The following ZNF180 variants were observed in gnomAD, a reference collection of about 807,000 sequenced individuals.
The protein encoded by ZNF180 is zinc finger protein 180.
ZNF180 carries 11 observed loss-of-function variants against 11.8 expected under a neutral mutation model. That is an observed-to-expected ratio of 0.93 (90% CI 0.59 to 1.55). ZNF180 has a LOEUF of 1.55. Ranked by LOEUF, ZNF180 falls within the 40% of genes most tolerant of loss-of-function variation. The pLI, the probability that ZNF180 is intolerant of heterozygous loss-of-function variation, is 0.00. For synonymous variants in ZNF180, 287 were observed against 257.7 expected (o/e 1.11, Z -1.09); for missense variants, 773 against 781.7 (o/e 0.99, Z 0.13).
intron 1 of ZNF180, among the ~76,000 whole-genome samples, chr19:44,499,204 T>C (rs1970669033): frequency 6.6e-6 from 1 of 152,194 alleles, no homozygotes; most frequent in Non-Finnish European, 1.5e-5. Flanking sequence ...GAGCCTACGA[T>C]ACAGCAGCTC....
chr19:44,476,813 T>C lies in ZNF180; in HGVS notation c.1587A>G (p.Lys529=). ...EKPYECSECG[K]SFNRSSHLVM... ...CAAGGTGAGAACTGCGGTTAAAAGA[T>C]TTTCCACATTCACTACATTCATACG... Residue 529 remains lysine, a synonymous_variant, in exon 5 of 5, where the codon AAA becomes AAG. Transcript: ENST00000592529. The C allele has an allele frequency of 6.2e-7, 1 of 1,614,072 alleles. No homozygotes were observed. Among genetic ancestry groups the C allele is most frequent in the Non-Finnish European group, 8.5e-7 (1 of 1,179,986 alleles).
intron 1 of ZNF180, 88 bp downstream of exon 1, chr19:44,500,187 G>A (rs770710146): frequency 2.5e-5 from 41 of 1,614,004 alleles, no homozygotes; most frequent in Non-Finnish European, 3.1e-5. Context: ...AGGTCTCCCC[G>A]CTACACTCAC....
At position 44,477,586 on chromosome 19, in the gene ZNF180, TTCC is replaced by T. The variant is rs1969951521; in HGVS notation, c.811_813del (p.Gly271del). The T allele has an allele frequency of 6.2e-7, 1 of 1,613,996 alleles. No homozygotes were observed. The highest frequency in any genetic ancestry group is 8.5e-7 in the Non-Finnish European group (1 of 1,180,024). On this transcript the variant is annotated inframe_deletion, in exon 5 of 5. Coordinates refer to ENST00000592529, the MANE Select transcript of ZNF180 (RefSeq NM_001278509.3). ...CCACATTCTTTAAAATCAAAGGTTT[TTCC>T]TCCTCCATGAATTTTTTCATGTATA...
Position 44,477,650 on chromosome 19 carries a change from G to T in ZNF180, c.750C>A (p.Asp250Glu). 2 of 1,613,912 alleles carry T rather than the reference G, an allele frequency of 1.2e-6. No homozygotes were observed. Among genetic ancestry groups the T allele is most frequent in the Non-Finnish European group, 1.7e-6 (2 of 1,179,908 alleles). ...TACCATGGCAAAAAGATTGAATACG[G>T]TCACTAAATCCATAGGATTTATCTT... Reference protein sequence around the residue: ...QTKDKSYGFSDRIQSFCHGTP... With the variant: ...QTKDKSYGFSERIQSFCHGTP... Residue 250 changes from aspartate (D) to glutamate (E), a missense_variant, in exon 5 of 5, where the codon GAC (aspartate) becomes GAA (glutamate). Physicochemically the swap from Asp to Glu is conservative, Grantham distance 45. Transcript: ENST00000592529.
In ZNF180 at chr19:44,495,809, C is replaced by T. The variant is rs749449144; in HGVS notation, c.51+1475G>A. Among the ~76,000 whole-genome samples, 21 of 151,940 alleles carry T rather than the reference C, an allele frequency of 1.4e-4. No homozygotes were observed. The highest frequency in any genetic ancestry group is 3.9e-4 in the Admixed American group (6 of 15,274). On this transcript the variant is annotated intron_variant, in intron 2 of 4. Coordinates refer to ENST00000592529, the MANE Select transcript of ZNF180 (RefSeq NM_001278509.3). The surrounding 1 kb of genome is among the most constrained non-coding windows in gnomAD (Gnocchi z 4.5). Reference sequence around the variant, plus strand: ...GCTGGGATGTCATCCTGTGCAGATGCACTCCTCACCCTGCTTGGTCACTGA... The same window carrying T: ...GCTGGGATGTCATCCTGTGCAGATGTACTCCTCACCCTGCTTGGTCACTGA...
rs1370899310 is a variant in ZNF180, at chr19:44,477,411, T to C, written c.989A>G (p.Gln330Arg). The change falls in exon 5 of 5, where the codon CAG becomes CGG. Residue 330 changes from glutamine (Q) to arginine (R), a missense_variant. Coordinates refer to ENST00000592529, the MANE Select transcript of ZNF180 (RefSeq NM_001278509.3). Reference sequence around the variant, plus strand: ...GCTCCAGCTGAAGGATTTCCCACACTGATTACATTCAAAAGGTTTCTCTTC... The same window carrying C: ...GCTCCAGCTGAAGGATTTCCCACACCGATTACATTCAAAAGGTTTCTCTTC... ...NSEEKPFECN[Q>R]CGKSFSWSSH... 6.2e-7 allele frequency: 1 copy of C among 1,614,108 alleles called. No homozygotes were observed. The highest frequency in any genetic ancestry group is 8.5e-7 in the Non-Finnish European group (1 of 1,180,030).
intron 3 of ZNF180, among the ~76,000 whole-genome samples, chr19:44,482,712 T>C (rs1970114319): frequency 6.6e-6 from 1 of 152,250 alleles, no homozygotes; most frequent in Non-Finnish European, 1.5e-5. Context: ...ATGAAGCACT[T>C]ATGAGTTTGC....
intron 2 of ZNF180, among the ~76,000 whole-genome samples, chr19:44,488,886 G>A (rs1970327609): frequency 6.6e-6 from 1 of 151,164 alleles, no homozygotes; most frequent in Non-Finnish European, 1.5e-5. Flanking sequence ...CGCCCCATCT[G>A]AGAAGTGAGG....
rs779989307 is a variant in ZNF180, at chr19:44,476,849, AGT to A, written c.1549_1550del (p.Thr517TrpfsTer6). 1.9e-6 allele frequency: 3 copies of A among 1,614,128 alleles called. No homozygotes were observed. The highest frequency in any genetic ancestry group is 3.3e-5 in the Admixed American group (2 of 60,030). Reference sequence around the variant, plus strand: ...CACTACATTCATACGGTTTCTCTCCAGTGTGAGTTCTTTGATGTGCAACAAGC... The same window carrying A: ...CACTACATTCATACGGTTTCTCTCCAGTGAGTTCTTTGATGTGCAACAAGC... Reference protein sequence around the residue: ...SQLVAHQRTHTGEKPYECSEC... With the variant: ...SQLVAHQRTHXGEKPYECSEC... On this transcript the variant is annotated frameshift_variant, in exon 5 of 5. Transcript: ENST00000592529. LOFTEE classifies it low-confidence loss of function (END_TRUNC).
intron 2 of ZNF180, among the ~76,000 whole-genome samples, chr19:44,487,759 G>A (rs1415825104): frequency 3.9e-5 from 6 of 152,214 alleles, no homozygotes; most frequent in South Asian, 2.1e-4. Context: ...ACAGAGTCTC[G>A]CGCTGTCCCC....
At position 44,477,660 on chromosome 19, in the gene ZNF180, C is replaced by T. The variant is rs894403886; in HGVS notation, c.740G>A (p.Gly247Glu). 3.7e-6 allele frequency: 6 copies of T among 1,613,756 alleles called. No homozygotes were observed. In the African/African-American group the frequency reaches 5.3e-5, roughly 14 times the overall value. Residue 247 changes from glycine (G) to glutamate (E), a missense_variant, in exon 5 of 5, where the codon GGA becomes GAA. Transcript: ENST00000592529. ...AAAAGATTGAATACGGTCACTAAAT[C>T]CATAGGATTTATCTTTTGTTTGAGT... ...TRTQTKDKSY[G>E]FSDRIQSFCH...
At chr19:44,485,249 A>T (rs1483474365) in intron 2 of ZNF180, 1 of 152,110 alleles carries the variant, frequency 6.6e-6, no homozygotes, top group Non-Finnish European at 1.5e-5. Context: ...CCAAATCAGT[A>T]AAAGGTAGCC....
intron 2 of ZNF180, among the ~76,000 whole-genome samples, chr19:44,493,214 TG>T (rs1368756301): frequency 6.6e-6 from 1 of 152,188 alleles, no homozygotes. Context: ...AGAATGACAG[TG>T]GATGGGTGAG....
chr19:44,488,188 ACGGTCTCCCTCTCCCTCTCTTTCCACG>A (rs1970292261), intron 2 of ZNF180, among the ~76,000 whole-genome samples: 2 of 30,714 alleles, frequency 6.5e-5, no homozygotes, highest in African/African-American at 3.6e-4. Context: ...TTCTCTTTCC[ACGGTCTCCCTCTCCCTCTCTTTCCACG>A]GTCTCCCTCT....
In ZNF180 at chr19:44,495,612, C is replaced by T. The variant is rs890065586; in HGVS notation, c.51+1672G>A. The stretch of plus-strand genomic sequence containing the variant: ...GCTCACTGCACTTGGGCTCCAACTA[C>T]CCACAATGAAGCACCCCCTCTCTGG... On this transcript the variant is annotated intron_variant, in intron 2 of 4. Transcript: ENST00000592529. The surrounding 1 kb of genome is among the most constrained non-coding windows in gnomAD (Gnocchi z 4.5). Among the ~76,000 whole-genome samples the T allele has an allele frequency of 5.9e-5, 9 of 152,280 alleles. No individual in the cohort carries two copies. Among genetic ancestry groups the T allele is most frequent in the African/African-American group, 2.2e-4 (9 of 41,550 alleles).
intron 2 of ZNF180, among the ~76,000 whole-genome samples, chr19:44,489,145 G>C (rs1362757639): frequency 1.4e-5 from 2 of 143,318 alleles, no homozygotes; most frequent in East Asian, 4.7e-4. Flanking sequence ...CCGTCCGGGA[G>C]GGAGGTGGGG....
chr19:44,495,190 GC>G lies in ZNF180; in HGVS notation c.51+2093del, dbSNP rs1349923822. ...TATATACACTTACTTATCTGATCTA[GC>G]CCCCTGTAGGTAGTTCCTCTCCCAT... On this transcript the variant is annotated intron_variant, in intron 2 of 4. Transcript: ENST00000592529. This position sits in a 1 kb window ranked among gnomAD's most constrained non-coding sequence, Gnocchi z 4.5. Among the ~76,000 whole-genome samples the G allele has an allele frequency of 1.3e-5, 2 of 152,048 alleles. No homozygotes were observed. Among genetic ancestry groups the G allele is most frequent in the Non-Finnish European group, 2.9e-5 (2 of 67,988 alleles).
chr19:44,483,666 A>T (rs1970140499), intron 3 of ZNF180, among the ~76,000 whole-genome samples: 1 of 143,864 alleles, frequency 7.0e-6, no homozygotes. Flanking sequence ...CAAGCTTTCA[A>T]ATAATTCCCT....
intron 2 of ZNF180, 148 bp from the exon 3 acceptor site, chr19:44,484,583 GTAAGC>G: frequency 1.5e-6 from 1 of 656,506 alleles, no homozygotes; most frequent in Admixed American, 2.1e-5. Context: ...CCTCCTAGTG[GTAAGC>G]TCCGCTAACC....
Sources: gnomAD v4.1 joint callset for allele counts (sites outside exome capture counted in the v4.1 genomes callset) on GRCh38, gnomAD v4.1.1 for gene constraint, Gnocchi (gnomAD v3.1) non-coding constraint, MANE v1.5 for transcripts, NCBI Gene and HGNC (gene_info 2026-07-23, HGNC 2026-07-21) for gene names.